Variants in KIT observed in about 807,000 individuals in gnomAD.
KIT encodes the protein mast/stem cell growth factor receptor Kit.
Under a neutral mutation model 105.7 loss-of-function variants are expected in KIT, and 16 were observed. That is an observed-to-expected ratio of 0.15 (90% confidence interval 0.10 to 0.23). The LOEUF (loss-of-function observed/expected upper bound fraction) is 0.23, where lower values mean the gene tolerates loss of function less well. KIT is among the 10% of genes least tolerant of loss of function. KIT has a pLI of 1.00. For synonymous variants in KIT, 438 were observed against 441.1 expected (o/e 0.99, Z 0.09); for missense variants, 858 against 1,213.8 (o/e 0.71, Z 4.36).
At chr4:54,687,483 A>G (rs1489248367) in intron 1 of KIT, among the ~76,000 whole-genome samples, 6 of 152,140 alleles carry the variant, frequency 3.9e-5, no homozygotes, top group Admixed American at 1.3e-4. Context: ...AACATCCTCA[A>G]TGAAAAAGCA....
intron 1 of KIT, among the ~76,000 whole-genome samples, chr4:54,670,824 C>T (rs572848775): frequency 2.6e-5 from 4 of 152,306 alleles, no homozygotes; most frequent in Non-Finnish European, 5.9e-5. Flanking sequence ...TTGTACAGAG[C>T]GGGCTTGCTG....
chr4:54,696,913 C>A (rs1047495599), intron 2 of KIT, among the ~76,000 whole-genome samples: 1 of 152,354 alleles, frequency 6.6e-6, no homozygotes, highest in South Asian at 2.1e-4. Context: ...AGGTATTTTG[C>A]AATTTCCAGG....
intron 1 of KIT, among the ~76,000 whole-genome samples, chr4:54,694,162 C>G (rs2109655422): frequency 6.6e-6 from 1 of 152,268 alleles, no homozygotes; most frequent in East Asian, 1.9e-4. Flanking sequence ...CCGCAAGGTA[C>G]CCTGTTTTTT....
intron 20 of KIT, among the ~76,000 whole-genome samples, chr4:54,738,012 G>C (rs897795403): frequency 1.3e-5 from 2 of 152,092 alleles, no homozygotes; most frequent in African/African-American, 2.4e-5. Context: ...GTTTCAAATT[G>C]AACAGCATTT....
chr4:54,660,495 T>C (rs560151128), intron 1 of KIT, among the ~76,000 whole-genome samples: 1 of 152,144 alleles, frequency 6.6e-6, no homozygotes, highest in African/African-American at 2.4e-5. Context: ...CCCCACTCAT[T>C]CCCATTTTTT....
chr4:54,694,029 C>T (rs1180028842), intron 1 of KIT, among the ~76,000 whole-genome samples: 1 of 152,222 alleles, frequency 6.6e-6, no homozygotes, highest in African/African-American at 2.4e-5. Flanking sequence ...TGTCACTTCT[C>T]TGCTGAAAAA....
At chr4:54,667,006 A>G (rs1717749374) in intron 1 of KIT, among the ~76,000 whole-genome samples, 1 of 152,242 alleles carries the variant, frequency 6.6e-6, no homozygotes, top group Non-Finnish European at 1.5e-5. Context: ...GAGTGTCAAA[A>G]TAAGACAAAA....
Position 54,728,059 on chromosome 4 carries a change from T to C in KIT, c.1928T>C (p.Val643Ala). 3.1e-6 allele frequency: 5 copies of C among 1,614,086 alleles called. No homozygotes were observed. The highest frequency in any genetic ancestry group is 4.2e-6 in the Non-Finnish European group (5 of 1,179,964). ...GAAGCCCTCATGTCTGAACTCAAAG[T>C]CCTGAGTTACCTTGGTAATCACATG... is the stretch of plus-strand genomic sequence containing the variant. ...EREALMSELK[V>A]LSYLGNHMNI... Residue 643 changes from valine (V) to alanine (A), a missense_variant, in exon 13 of 21, where the codon GTC becomes GCC. This residue lies in a region of KIT where 158 missense variants were observed against 218.7 expected (regional missense o/e 0.72). Transcript: ENST00000288135.
chr4:54,658,153 G>T, intron 1 of KIT, 72 bp downstream of exon 1: 1 of 1,451,414 alleles, frequency 6.9e-7, no homozygotes, highest in Non-Finnish European at 9.7e-7. Flanking sequence ...GGTGGTACCC[G>T]CCAGGGTGCA....
intron 15 of KIT, 136 bp downstream of exon 15, chr4:54,731,555 A>G (rs1722599113): frequency 1.3e-6 from 1 of 760,456 alleles, no homozygotes. Flanking sequence ...GCCAATGGTC[A>G]ATGGCAGTTA....
At chr4:54,728,765 T>C (rs1350287875) in intron 13 of KIT, among the ~76,000 whole-genome samples, 1 of 152,236 alleles carries the variant, frequency 6.6e-6, no homozygotes, top group East Asian at 1.9e-4. Flanking sequence ...GAAAATTTCT[T>C]ACCCAAGTTA....
At chr4:54,673,700 C>T (rs1577921553) in intron 1 of KIT, among the ~76,000 whole-genome samples, 1 of 152,198 alleles carries the variant, frequency 6.6e-6, no homozygotes, top group East Asian at 1.9e-4. Context: ...TTAAAAATAA[C>T]TATGTGGAAT....
chr4:54,738,552 G>A lies in KIT; in HGVS notation c.2926G>A (p.Val976Ile), dbSNP rs773955363. ...SSQPLLVHDD[V>I] Reference sequence around the variant, plus strand: ...CCAGCCTCTGCTTGTGCACGACGATGTCTGAGCAGAATCAGTGTTTGGGTC... The same window carrying A: ...CCAGCCTCTGCTTGTGCACGACGATATCTGAGCAGAATCAGTGTTTGGGTC... The change falls in exon 21 of 21, where the codon GTC (valine) becomes ATC (isoleucine). Residue 976 changes from valine (V) to isoleucine (I), a missense_variant. Coordinates refer to ENST00000288135, the MANE Select transcript of KIT (RefSeq NM_000222.3). 3 of 1,613,872 alleles carry A rather than the reference G, an allele frequency of 1.9e-6. No individual in the cohort carries two copies. Among genetic ancestry groups the A allele is most frequent in the Non-Finnish European group, 2.5e-6 (3 of 1,180,018 alleles).
intron 4 of KIT, among the ~76,000 whole-genome samples, chr4:54,702,420 T>C (rs1421172577): frequency 4.6e-5 from 7 of 152,136 alleles, no homozygotes; most frequent in Non-Finnish European, 1.0e-4. Flanking sequence ...CCAGGACATA[T>C]TTTATATTTA....
chr4:54,736,849 T>A, intron 19 of KIT, 29 bp downstream of exon 19: 1 of 1,545,976 alleles, frequency 6.5e-7, no homozygotes, highest in Non-Finnish European at 8.9e-7. Context: ...TTCCTTTAGG[T>A]CACGTTTTCC....
intron 1 of KIT, among the ~76,000 whole-genome samples, chr4:54,668,087 A>G (rs1717829997): frequency 6.6e-6 from 1 of 152,218 alleles, no homozygotes. Context: ...ATAGCAACAA[A>G]CAAGCCTGCA....
chr4:54,707,228 C>G lies in KIT; in HGVS notation c.1056C>G (p.Asn352Lys), dbSNP rs372759291. The change falls in exon 6 of 21, where the codon AAC becomes AAG. Residue 352 changes from asparagine to lysine, a missense_variant. By Grantham distance (94) the Asn-to-Lys change is moderately conservative. Around this residue, in one of 7 missense-constraint regions of KIT, gnomAD observed 401 missense variants for 601.0 expected, o/e 0.67. Coordinates refer to ENST00000288135, the MANE Select transcript of KIT (RefSeq NM_000222.3). ...KPEHQQWIYM[N>K]RTFTDKWEDY... ...AACACCAGCAGTGGATCTATATGAA[C>G]AGAACCTTCACTGATAAATGGGAAG... The G allele has an allele frequency of 1.9e-6, 3 of 1,612,290 alleles. No individual in the cohort carries two copies. In the African/African-American group the frequency reaches 4.0e-5, roughly 22 times the overall value.
intron 7 of KIT, among the ~76,000 whole-genome samples, chr4:54,712,184 T>C (rs575407101): frequency 1.3e-5 from 2 of 152,296 alleles, no homozygotes; most frequent in African/African-American, 4.8e-5. Flanking sequence ...GATCAATACT[T>C]CTTGTAAAAT....
Position 54,664,549 on chromosome 4 carries a change from T to A in KIT, c.67+6468T>A, listed in dbSNP as rs185963494. On this transcript the variant is annotated intron_variant, in intron 1 of 20. Transcript: ENST00000288135. Reference sequence around the variant, plus strand: ...TTAAAACTTGGACACTCCCTTGCTGTGGGCAACCAAGACTAAGGGAGAGTC... The same window carrying A: ...TTAAAACTTGGACACTCCCTTGCTGAGGGCAACCAAGACTAAGGGAGAGTC... Among the ~76,000 whole-genome samples the A allele has an allele frequency of 5.0e-3, 768 of 152,268 alleles. 5 individuals carry two copies. Among genetic ancestry groups the A allele is most frequent in the Non-Finnish European group, 8.8e-3 (602 of 68,032 alleles).
Sources: gnomAD v4.1 joint callset for allele counts (sites outside exome capture counted in the v4.1 genomes callset) on GRCh38, gnomAD v4.1.1 for gene constraint, gnomAD v4.1.1 regional missense constraint, MANE v1.5 for transcripts, NCBI Gene and HGNC (gene_info 2026-07-23, HGNC 2026-07-21) for gene names.